The following DNAJB6 variants were observed in gnomAD, a reference collection of about 807,000 sequenced individuals.
DNAJB6 encodes the protein DnaJ heat shock protein family (Hsp40) member B6.
A neutral mutation model predicts 42.7 loss-of-function variants in DNAJB6; 16 were observed. That is an observed-to-expected ratio of 0.37 (90% CI 0.25 to 0.57). The LOEUF is 0.57. DNAJB6 is among the 20% of genes least tolerant of loss of function. DNAJB6 has a pLI of 0.74. For missense variants in DNAJB6, 347 were observed against 416.8 expected, an observed-to-expected ratio of 0.83 and a Z score of 1.46; for synonymous variants, 170 against 163.5, an observed-to-expected ratio of 1.04 and a Z score of -0.30.
At chr7:157,342,245 C>A (rs930271422) in intron 1 of DNAJB6, among the ~76,000 whole-genome samples, 1 of 151,868 alleles carries the variant, frequency 6.6e-6, no homozygotes, top group Admixed American at 6.6e-5. Context: ...TCAGCTCACC[C>A]CAGCCTCCGC....
chr7:157,413,867 G>A (rs1796040543), intron 9 of DNAJB6: 1 of 152,052 alleles, frequency 6.6e-6, no homozygotes, highest in South Asian at 2.1e-4. Context: ...AACTACAGGT[G>A]CTTGCCACCA....
chr7:157,361,047 G>C (rs997145462), intron 2 of DNAJB6, among the ~76,000 whole-genome samples: 1 of 152,080 alleles, frequency 6.6e-6, no homozygotes, highest in Non-Finnish European at 1.5e-5. Flanking sequence ...ATGAACACTA[G>C]ATGATAGGTA....
Position 157,384,896 on chromosome 7 carries a change from G to C in DNAJB6, c.508G>C (p.Gly170Arg), listed in dbSNP as rs375148730. 6.2e-7 allele frequency: 1 copy of C among 1,612,698 alleles called. No homozygotes were observed. Among genetic ancestry groups the C allele is most frequent in the South Asian group, 1.1e-5 (1 of 90,996 alleles). Residue 170 changes from glycine (G) to arginine (R), a missense_variant, in exon 7 of 10, where the codon GGG becomes CGG. By Grantham distance (125) the Gly-to-Arg change is moderately radical. Transcript: ENST00000262177. ...GFTSFGSLGH[G>R]GLTSFSSTSF... ...TACTTCATTTGGGTCACTAGGTCAC[G>C]GGGGCCTCACTTCATTCTCTTCCAC...
intron 1 of DNAJB6, among the ~76,000 whole-genome samples, chr7:157,345,041 T>A (rs1450138663): frequency 2.0e-5 from 3 of 152,156 alleles, no homozygotes; most frequent in Admixed American, 2.0e-4. Context: ...TTGCCCAGGC[T>A]AGAGTGCAAT....
chr7:157,351,791 C>T (rs1206301371), intron 1 of DNAJB6, among the ~76,000 whole-genome samples: 1 of 151,892 alleles, frequency 6.6e-6, no homozygotes, highest in Non-Finnish European at 1.5e-5. Flanking sequence ...TGGTGAAACC[C>T]TGTGTCTACT....
At chr7:157,382,079 T>G (rs1334000544) in intron 5 of DNAJB6, 167 bp from the exon 6 acceptor site, 3 of 583,064 alleles carry the variant, frequency 5.1e-6, no homozygotes, top group Non-Finnish European at 8.5e-6. Context: ...AAACTGTTGG[T>G]GAGGTAGTGT....
At chr7:157,415,279 C>T (rs570736464) in intron 9 of DNAJB6, 3 of 152,390 alleles carry the variant, frequency 2.0e-5, no homozygotes, top group African/African-American at 7.2e-5. Flanking sequence ...ATTTCTGGCA[C>T]GTTGGATCAG....
At chr7:157,339,219 A>G (rs1307443214) in intron 1 of DNAJB6, among the ~76,000 whole-genome samples, 1 of 148,236 alleles carries the variant, frequency 6.7e-6, no homozygotes. Flanking sequence ...CACCCTCATC[A>G]GTCTTCAACC....
intron 5 of DNAJB6, 90 bp from the exon 6 acceptor site, chr7:157,382,154 TAC>T: frequency 7.0e-7 from 1 of 1,418,522 alleles, no homozygotes; most frequent in South Asian, 1.5e-5. Context: ...CTGAATATGT[TAC>T]AAACATCTAT....
intron 8 of DNAJB6, among the ~76,000 whole-genome samples, chr7:157,395,684 C>CT (rs869242320): frequency 0.039 from 5,117 of 131,864 alleles, 102 homozygotes; most frequent in African/African-American, 0.046. Context: ...TTTTTCTTTT[C>CT]TTTTTTTTTT....
rs757579411 is a variant in DNAJB6 at position 157,366,502 on chromosome 7, C to A, written c.176C>A (p.Ala59Asp). 1 of 1,613,710 alleles carries A rather than the reference C, an allele frequency of 6.2e-7. No homozygotes were observed. The highest frequency in any genetic ancestry group is 8.5e-7 in the Non-Finnish European group (1 of 1,179,920). The change falls in exon 4 of 10, where the codon GCT becomes GAT. Residue 59 changes from alanine (A) to aspartate (D), a missense_variant and splice_region_variant. Around this residue, in one of 3 missense-constraint regions of DNAJB6, gnomAD observed 78 missense variants for 102.1 expected, o/e 0.76. Coordinates refer to ENST00000262177, the MANE Select transcript of DNAJB6 (RefSeq NM_058246.4). ...TACCGACTTTTCTTTCAATTTTTAG[C>A]TAAGAAACGGGACATCTATGACAAA... ...VAEAYEVLSDAKKRDIYDKYG... is the reference protein window; with the variant it reads ...VAEAYEVLSDDKKRDIYDKYG...
chr7:157,409,644 A>G, intron 8 of DNAJB6, 151 bp from the exon 9 acceptor site: 1 of 888,406 alleles, frequency 1.1e-6, no homozygotes. Context: ...CAGTGGCGCC[A>G]CTGAAGAAAG....
intron 8 of DNAJB6, among the ~76,000 whole-genome samples, chr7:157,404,264 A>G (rs941161612): frequency 6.7e-6 from 1 of 148,260 alleles, no homozygotes; most frequent in Admixed American, 6.7e-5. Context: ...GTGAGCTGCC[A>G]CTTTCAGCCC....
rs372973038 is a variant in DNAJB6 at position 157,366,556 on chromosome 7, G to A, written c.230G>A (p.Gly77Glu). 46 of 1,613,860 alleles carry A rather than the reference G, an allele frequency of 2.9e-5. No homozygotes were observed. Among genetic ancestry groups the A allele is most frequent in the South Asian group, 4.4e-5 (4 of 91,064 alleles). The change falls in exon 4 of 10, where the codon GGA (glycine) becomes GAA (glutamate). Residue 77 changes from glycine (G) to glutamate (E), a missense_variant. Gly to Glu is a moderately conservative substitution (Grantham distance 98). Coordinates refer to ENST00000262177, the MANE Select transcript of DNAJB6 (RefSeq NM_058246.4). ...GGCAAAGAAGGATTAAATGGTGGAG[G>A]AGGAGGTAAGTACGTGAGTTTTTTC... ...KYGKEGLNGG[G>E]GGGSHFDSPF...
chr7:157,337,449 C>T (rs1211406920), intron 1 of DNAJB6: 1 of 152,136 alleles, frequency 6.6e-6, no homozygotes, highest in Non-Finnish European at 1.5e-5. Flanking sequence ...GGGGTGGGGC[C>T]CGGCCTGGGA....
intron 8 of DNAJB6, among the ~76,000 whole-genome samples, chr7:157,406,006 G>A (rs117479136): frequency 0.015 from 2,314 of 152,338 alleles, 30 homozygotes; most frequent in Non-Finnish European, 0.021. Context: ...CAGCAGTGCC[G>A]GGCGTGTAGC....
At chr7:157,360,789 A>C (rs1799544962) in intron 2 of DNAJB6, among the ~76,000 whole-genome samples, 1 of 152,162 alleles carries the variant, frequency 6.6e-6, no homozygotes, top group Admixed American at 6.5e-5. Flanking sequence ...CCTGTTCTGC[A>C]TCTCTCCTGA....
chr7:157,389,714 TGAAA>T (rs1801248900), intron 8 of DNAJB6, among the ~76,000 whole-genome samples: 1 of 152,042 alleles, frequency 6.6e-6, no homozygotes, highest in African/African-American at 2.4e-5. Context: ...TTTAAAAAGG[TGAAA>T]AGAGGGAATG....
intron 5 of DNAJB6, chr7:157,381,999 T>G: frequency 3.0e-6 from 1 of 334,026 alleles, no homozygotes; most frequent in Non-Finnish European, 5.4e-6. Flanking sequence ...ATGTGCTGTT[T>G]TTTTAATTAA....
Sources: gnomAD v4.1 joint callset for allele counts (sites outside exome capture counted in the v4.1 genomes callset) on GRCh38, gnomAD v4.1.1 for gene constraint, gnomAD v4.1.1 regional missense constraint, MANE v1.5 for transcripts, NCBI Gene and HGNC (gene_info 2026-07-23, HGNC 2026-07-21) for gene names.